The following ARL15 variants were observed in gnomAD, a reference collection of about 807,000 sequenced individuals.
ARL15 encodes the protein ADP-ribosylation factor-like protein 15.
A neutral mutation model predicts 25.2 loss-of-function variants in ARL15; 19 were observed. That is an observed-to-expected ratio of 0.75 (90% confidence interval 0.53 to 1.10). The LOEUF is 1.10. Among genes scored for constraint, ARL15 ranks in the 50% least tolerant of loss-of-function variants. The pLI is 0.00. For missense variants in ARL15, 220 were observed against 246.0 expected, an observed-to-expected ratio of 0.89 and a Z score of 0.71; for synonymous variants, 94 against 86.8, an observed-to-expected ratio of 1.08 and a Z score of -0.46.
intron 2 of ARL15, among the ~76,000 whole-genome samples, chr5:54,162,217 TACA>T (rs747787107): frequency 7.9e-5 from 12 of 152,154 alleles, no homozygotes; most frequent in Admixed American, 4.6e-4. Context: ...AACTTGTTTC[TACA>T]ACATCTTGCC....
intron 4 of ARL15, among the ~76,000 whole-genome samples, chr5:54,085,889 G>A (rs889105830): frequency 4.6e-5 from 7 of 151,022 alleles, no homozygotes; most frequent in South Asian, 2.1e-4. Context: ...TCTCCTAAGC[G>A]TCCCATGGCT....
intron 1 of ARL15, among the ~76,000 whole-genome samples, chr5:54,209,693 A>C (rs180863603): frequency 5.2e-5 from 5 of 96,578 alleles, no homozygotes; most frequent in African/African-American, 1.6e-4. Context: ...ACATATAATG[A>C]AAAAAAAAAT....
chr5:54,185,910 A>G (rs1755223520), intron 1 of ARL15, among the ~76,000 whole-genome samples: 1 of 152,188 alleles, frequency 6.6e-6, no homozygotes, highest in Admixed American at 6.5e-5. Flanking sequence ...TTGGTCAAAG[A>G]TCTGATATGA....
intron 1 of ARL15, among the ~76,000 whole-genome samples, chr5:54,249,630 T>C (rs1757187593): frequency 7.1e-6 from 1 of 140,092 alleles, no homozygotes; most frequent in South Asian, 2.2e-4. Flanking sequence ...CATGAGGTCA[T>C]ATCTGAGAGT....
intron 4 of ARL15, among the ~76,000 whole-genome samples, chr5:53,918,698 C>A (rs1195681303): frequency 6.6e-6 from 1 of 152,040 alleles, no homozygotes; most frequent in Non-Finnish European, 1.5e-5. Context: ...ATATGAAGCT[C>A]TTAAAATCTG....
chr5:53,961,495 CAAAAAAA>C (rs10589852), intron 4 of ARL15, among the ~76,000 whole-genome samples: 39 of 68,888 alleles, frequency 5.7e-4, no homozygotes, highest in African/African-American at 1.8e-3. Flanking sequence ...GACTCTGTCT[CAAAAAAA>C]AAAAAAAAAA....
intron 4 of ARL15, among the ~76,000 whole-genome samples, chr5:54,022,307 T>C (rs988474756): frequency 6.6e-6 from 1 of 152,072 alleles, no homozygotes; most frequent in African/African-American, 2.4e-5. Context: ...AATCAAGGTT[T>C]CTCTGACCTT....
At chr5:54,266,711 G>A (rs990830941) in intron 1 of ARL15, among the ~76,000 whole-genome samples, 1 of 152,154 alleles carries the variant, frequency 6.6e-6, no homozygotes, top group African/African-American at 2.4e-5. Flanking sequence ...AAAGAACAAA[G>A]TATCTTTAAA....
intron 1 of ARL15, among the ~76,000 whole-genome samples, chr5:54,261,416 G>C (rs1757494235): frequency 6.6e-6 from 1 of 152,062 alleles, no homozygotes; most frequent in African/African-American, 2.4e-5. Flanking sequence ...AAAATAATCG[G>C]TAGATTCCTG....
intron 2 of ARL15, among the ~76,000 whole-genome samples, chr5:54,165,544 ATTTTTCC>A (rs1754535837): frequency 6.6e-6 from 1 of 151,040 alleles, no homozygotes; most frequent in African/African-American, 2.4e-5. Context: ...TCTTACTTGC[ATTTTTCC>A]AGTGAAAAAA....
chr5:54,113,788 C>G (rs1752811986), intron 3 of ARL15, among the ~76,000 whole-genome samples: 1 of 152,168 alleles, frequency 6.6e-6, no homozygotes, highest in African/African-American at 2.4e-5. Context: ...GAACCTGCCT[C>G]AGAGAGCTGC....
intron 1 of ARL15, among the ~76,000 whole-genome samples, chr5:54,289,893 C>T (rs369913495): frequency 5.3e-5 from 8 of 152,294 alleles, no homozygotes; most frequent in Admixed American, 3.9e-4. Flanking sequence ...ATGTTCCAGG[C>T]ACACAACTTC....
At chr5:54,061,754 G>A (rs1401942134) in intron 4 of ARL15, among the ~76,000 whole-genome samples, 2 of 152,206 alleles carry the variant, frequency 1.3e-5, no homozygotes, top group Non-Finnish European at 2.9e-5. Context: ...CAGTGCAGAA[G>A]GGAAATGTGG....
intron 1 of ARL15, among the ~76,000 whole-genome samples, chr5:54,232,038 A>T (rs766147609): frequency 1.3e-5 from 2 of 151,946 alleles, no homozygotes; most frequent in African/African-American, 2.4e-5. Context: ...TCTAAATCCA[A>T]ATCCTTGTGG....
intron 4 of ARL15, among the ~76,000 whole-genome samples, chr5:53,942,099 A>G (rs1284558789): frequency 6.6e-6 from 1 of 151,926 alleles, no homozygotes; most frequent in African/African-American, 2.4e-5. Context: ...TGCTTGGACT[A>G]GGGTGGTAAT....
intron 4 of ARL15, among the ~76,000 whole-genome samples, chr5:54,064,911 G>A (rs1260893428): frequency 6.6e-6 from 1 of 152,144 alleles, no homozygotes; most frequent in East Asian, 1.9e-4. Flanking sequence ...GAGTTCCACA[G>A]GAATAAGCAT....
chr5:53,914,226 C>T (rs1745558119), intron 4 of ARL15, among the ~76,000 whole-genome samples: 1 of 151,950 alleles, frequency 6.6e-6, no homozygotes, highest in African/African-American at 2.4e-5. Flanking sequence ...ATCTCCTTCT[C>T]TGAGGAAAGC....
At chr5:54,115,452 G>A (rs1420641573) in intron 3 of ARL15, among the ~76,000 whole-genome samples, 1 of 152,012 alleles carries the variant, frequency 6.6e-6, no homozygotes, top group Non-Finnish European at 1.5e-5. Context: ...TGGGGCGGTG[G>A]GGGTAAATTT....
chr5:53,902,062 C>T (rs1336637860), intron 4 of ARL15, among the ~76,000 whole-genome samples: 1 of 152,238 alleles, frequency 6.6e-6, no homozygotes, highest in East Asian at 1.9e-4. Flanking sequence ...CCTTACAAAA[C>T]ATTTGAGGTA....
Sources: allele counts gnomAD v4.1 joint callset (sites outside exome capture counted in the v4.1 genomes callset), GRCh38; gene constraint gnomAD v4.1.1; transcripts MANE v1.5; gene names NCBI Gene and HGNC (gene_info 2026-07-23, HGNC 2026-07-21).